Variants in LUZP1 observed in about 807,000 individuals in gnomAD.
LUZP1 encodes the protein filamin mechanobinding actin cross-linking protein.
In LUZP1, 25 loss-of-function variants were observed where a neutral mutation model predicts 71.3. That is an observed-to-expected ratio of 0.35 (90% confidence interval 0.26 to 0.49). LUZP1 has a LOEUF of 0.49. Ranked by LOEUF, LUZP1 falls within the 20% of genes least tolerant of loss-of-function variation. The pLI is 0.99. For synonymous variants in LUZP1, 481 were observed against 506.4 expected (o/e 0.95, Z 0.67); for missense variants, 1,142 against 1,300.8 (o/e 0.88, Z 1.88).
In LUZP1 at chr1:23,100,135, T is replaced by A. The variant is rs148201283; in HGVS notation, c.-119-5755A>T. ...ATTGCAGCTTTATTTACTCAATTCT[T>A]CTCTCCAACTTGTGTCACCACTATA... On this transcript the variant is annotated intron_variant, in intron 3 of 4. Coordinates refer to ENST00000302291, the Ensembl canonical transcript of LUZP1. Among the ~76,000 whole-genome samples, 426 of 152,326 alleles carry A rather than the reference T, an allele frequency of 2.8e-3. 4 individuals are homozygous for A. Among genetic ancestry groups the A allele is most frequent in the African/African-American group, 9.5e-3 (395 of 41,572 alleles).
At chr1:23,130,898 A>G (rs1407498598) in intron 2 of LUZP1, among the ~76,000 whole-genome samples, 5 of 152,004 alleles carry the variant, frequency 3.3e-5, no homozygotes, top group Non-Finnish European at 7.4e-5. Flanking sequence ...TCCTCACGTC[A>G]GCCAGCTCAT....
chr1:23,127,813 G>A (rs982240677), intron 2 of LUZP1, among the ~76,000 whole-genome samples: 1 of 151,290 alleles, frequency 6.6e-6, no homozygotes, highest in African/African-American at 2.4e-5. Flanking sequence ...GTGAGCCACC[G>A]CACCAGGCCC....
At chr1:23,175,462 C>A (rs1557705608) in intron 1 of LUZP1, among the ~76,000 whole-genome samples, 1 of 152,180 alleles carries the variant, frequency 6.6e-6, no homozygotes. Flanking sequence ...TGCTTTCCCC[C>A]CTAGTGTTTG....
intron 2 of LUZP1, among the ~76,000 whole-genome samples, chr1:23,124,889 A>G (rs1014204428): frequency 5.3e-5 from 8 of 152,140 alleles, no homozygotes; most frequent in Non-Finnish European, 1.2e-4. Context: ...GTTCATTCTA[A>G]TGCCCTTTCA....
At chr1:23,164,790 G>A (rs186053139) in intron 2 of LUZP1, among the ~76,000 whole-genome samples, 1 of 152,282 alleles carries the variant, frequency 6.6e-6, no homozygotes, top group African/African-American at 2.4e-5. Flanking sequence ...TCTGTCATAG[G>A]TGGAAGGGCA....
At chr1:23,084,939 C>T (rs564408461) in exon 5 of LUZP1, 1 of 152,820 alleles carries the variant, frequency 6.5e-6, no homozygotes, top group South Asian at 2.1e-4. Flanking sequence ...ATTGACAAAA[C>T]TGGCATCACA....
chr1:23,116,798 G>T (rs537045728), intron 2 of LUZP1, among the ~76,000 whole-genome samples: 1 of 152,200 alleles, frequency 6.6e-6, no homozygotes, highest in African/African-American at 2.4e-5. Flanking sequence ...CAAAGGTTTC[G>T]AATCTTTTTA....
chr1:23,161,076 G>A (rs1475276931), intron 2 of LUZP1, among the ~76,000 whole-genome samples: 3 of 152,110 alleles, frequency 2.0e-5, no homozygotes, highest in Non-Finnish European at 4.4e-5. Flanking sequence ...AAAAGATAAT[G>A]GGACCAAAGG....
chr1:23,171,088 C>CAAAA (rs66613866), intron 1 of LUZP1, among the ~76,000 whole-genome samples: 1 of 141,308 alleles, frequency 7.1e-6, no homozygotes, highest in South Asian at 2.3e-4. Flanking sequence ...GACCCTGTCT[C>CAAAA]AAAAAAAAAA....
intron 2 of LUZP1, among the ~76,000 whole-genome samples, chr1:23,147,305 G>A (rs1644351339): frequency 6.6e-6 from 1 of 150,854 alleles, no homozygotes; most frequent in Admixed American, 6.6e-5. Context: ...GCAAGGCATG[G>A]TGGTGGGAGC....
At chr1:23,152,280 C>T (rs1484773149) in intron 2 of LUZP1, among the ~76,000 whole-genome samples, 4 of 152,100 alleles carry the variant, frequency 2.6e-5, no homozygotes, top group East Asian at 3.9e-4. Context: ...GGAACTTATA[C>T]AATGTTTCAT....
intron 2 of LUZP1, among the ~76,000 whole-genome samples, chr1:23,118,141 C>CCTGT (rs1323083988): frequency 6.6e-6 from 1 of 151,712 alleles, no homozygotes; most frequent in Non-Finnish European, 1.5e-5. Context: ...GTGGCTTGCG[C>CCTGT]CTGTAATCCC....
At chr1:23,110,172 G>A (rs1186664050) in intron 2 of LUZP1, among the ~76,000 whole-genome samples, 1 of 152,076 alleles carries the variant, frequency 6.6e-6, no homozygotes, top group Non-Finnish European at 1.5e-5. Flanking sequence ...CTCTCATTTT[G>A]TTGCCCTCTA....
chr1:23,175,189 G>C (rs1017778218), intron 1 of LUZP1, among the ~76,000 whole-genome samples: 3 of 152,058 alleles, frequency 2.0e-5, no homozygotes, highest in Non-Finnish European at 4.4e-5. Context: ...CAAGACATGT[G>C]CAACATCAAA....
Position 23,093,857 on chromosome 1 carries a change from G to C in LUZP1, c.405C>G (p.Thr135=). 1 of 1,613,946 alleles carries C rather than the reference G, an allele frequency of 6.2e-7. No individual in the cohort carries two copies. The highest frequency in any genetic ancestry group is 1.1e-5 in the South Asian group (1 of 91,064). Residue 135 remains threonine, a synonymous_variant, in exon 4 of 5, where the codon ACC becomes ACG. Transcript: ENST00000302291. The surrounding 1 kb of genome is among the most constrained non-coding windows in gnomAD (Gnocchi z 4.2). ...CCTCATTCAGGCTCAGACACAGCTG[G>C]GTACAGTCATTCTTACTCCTGCTGA...
chr1:23,126,628 T>A (rs1183927399), intron 2 of LUZP1, among the ~76,000 whole-genome samples: 1 of 152,192 alleles, frequency 6.6e-6, no homozygotes, highest in African/African-American at 2.4e-5. Context: ...TGACAGATGC[T>A]CCACAGAAGT....
At chr1:23,124,073 A>T (rs944889122) in intron 2 of LUZP1, among the ~76,000 whole-genome samples, 3 of 152,156 alleles carry the variant, frequency 2.0e-5, no homozygotes, top group African/African-American at 2.4e-5. Context: ...GAAAAAAAAA[A>T]TTTTTGCCCT....
chr1:23,142,149 G>T (rs1268506440), intron 2 of LUZP1, among the ~76,000 whole-genome samples: 1 of 151,370 alleles, frequency 6.6e-6, no homozygotes, highest in Admixed American at 6.6e-5. Context: ...TCCGGCAAAA[G>T]CCCAGCTAAT....
At chr1:23,159,583 C>T (rs564609545) in intron 2 of LUZP1, among the ~76,000 whole-genome samples, 2 of 152,236 alleles carry the variant, frequency 1.3e-5, no homozygotes, top group East Asian at 1.9e-4. Flanking sequence ...AGATTATGAG[C>T]TTGAAACATG....
Sources: allele counts gnomAD v4.1 joint callset (sites outside exome capture counted in the v4.1 genomes callset), GRCh38; gene constraint gnomAD v4.1.1; non-coding constraint Gnocchi (gnomAD v3.1); transcripts MANE v1.5; gene names NCBI Gene and HGNC (gene_info 2026-07-23, HGNC 2026-07-21).